ATG10: variants seen among roughly 807,000 people sequenced by gnomAD.
The protein encoded by ATG10 is ubiquitin-like-conjugating enzyme ATG10.
Under a neutral mutation model 32.1 loss-of-function variants are expected in ATG10, and 30 were observed. The ratio of observed to expected loss-of-function variants is 0.94; its 90% CI spans 0.70 to 1.27. The LOEUF (loss-of-function observed/expected upper bound fraction) is 1.27, where lower values mean the gene tolerates loss of function less well. Ranked by LOEUF, ATG10 falls within the 50% of genes most tolerant of loss-of-function variation. The pLI is 0.00. For missense variants in ATG10, 233 were observed against 262.3 expected, an observed-to-expected ratio of 0.89 and a Z score of 0.77; for synonymous variants, 87 against 91.5, an observed-to-expected ratio of 0.95 and a Z score of 0.28.
chr5:81,980,702 GC>G (rs1761015012), intron 1 of ATG10, among the ~76,000 whole-genome samples: 1 of 151,730 alleles, frequency 6.6e-6, no homozygotes, highest in Non-Finnish European at 1.5e-5. Context: ...TATGCTGAGA[GC>G]TCATTCTGTT....
chr5:82,138,567 T>C (rs1209801796), intron 3 of ATG10, among the ~76,000 whole-genome samples: 2 of 151,886 alleles, frequency 1.3e-5, no homozygotes, highest in African/African-American at 4.8e-5. Context: ...CTCTAACGAG[T>C]CCCAATGAGA....
chr5:82,224,632 A>G (rs1746048743), intron 5 of ATG10, among the ~76,000 whole-genome samples: 1 of 152,210 alleles, frequency 6.6e-6, no homozygotes, highest in Non-Finnish European at 1.5e-5. Context: ...TGCTTGTGAA[A>G]GCCCACTGTG....
intron 3 of ATG10, among the ~76,000 whole-genome samples, chr5:82,063,872 A>G (rs1377044017): frequency 6.6e-6 from 1 of 152,136 alleles, no homozygotes; most frequent in Non-Finnish European, 1.5e-5. Flanking sequence ...AAAATAACTA[A>G]TGGGTAATAG....
In ATG10 at chr5:82,237,377, C is replaced by T. The variant is rs141014965; in HGVS notation, c.454-15185C>T. Among the ~76,000 whole-genome samples the T allele has an allele frequency of 3.7e-4, 57 of 152,212 alleles. 1 individual carries two copies. The East Asian group carries it at 0.01, about 27-fold the overall frequency. Reference sequence around the variant, plus strand: ...AAGAAGTCTTGGCCGGGTGTGGTGGCTCACACCTGTAATCTCAGCACTTTG... The same window carrying T: ...AAGAAGTCTTGGCCGGGTGTGGTGGTTCACACCTGTAATCTCAGCACTTTG... On this transcript the variant is annotated intron_variant, in intron 5 of 7. Transcript: ENST00000282185.
At chr5:82,137,374 G>T (rs935185697) in intron 3 of ATG10, among the ~76,000 whole-genome samples, 6 of 152,102 alleles carry the variant, frequency 3.9e-5, no homozygotes, top group Non-Finnish European at 7.3e-5. Context: ...CTTTGCTGTT[G>T]GTGACCTTCA....
intron 3 of ATG10, among the ~76,000 whole-genome samples, chr5:82,135,199 A>C (rs1211284590): frequency 6.6e-6 from 1 of 152,080 alleles, no homozygotes; most frequent in Non-Finnish European, 1.5e-5. Flanking sequence ...TGATTTTTTG[A>C]AGGGTTTTTC....
intron 2 of ATG10, among the ~76,000 whole-genome samples, chr5:82,008,193 A>C (rs1401465221): frequency 6.6e-6 from 1 of 152,132 alleles, no homozygotes; most frequent in African/African-American, 2.4e-5. Context: ...TGTTTAAGTC[A>C]TCTGCTGTGA....
At chr5:82,091,092 T>C (rs1468481339) in intron 3 of ATG10, among the ~76,000 whole-genome samples, 1 of 152,210 alleles carries the variant, frequency 6.6e-6, no homozygotes, top group Non-Finnish European at 1.5e-5. Context: ...GAATTTCTAC[T>C]TGATGTGATT....
intron 1 of ATG10, among the ~76,000 whole-genome samples, chr5:81,974,988 G>A (rs1760827709): frequency 6.6e-6 from 1 of 152,010 alleles, no homozygotes; most frequent in African/African-American, 2.4e-5. Flanking sequence ...CTACTGTAGG[G>A]CCCAGGCTCT....
At chr5:82,083,926 C>T (rs964771050) in intron 3 of ATG10, among the ~76,000 whole-genome samples, 2 of 152,186 alleles carry the variant, frequency 1.3e-5, no homozygotes, top group African/African-American at 4.8e-5. Flanking sequence ...CTCTTCTCCT[C>T]CAAAGGAATG....
chr5:81,983,069 T>C (rs941212462), intron 1 of ATG10, among the ~76,000 whole-genome samples: 1 of 152,164 alleles, frequency 6.6e-6, no homozygotes. Context: ...AGCTGTTGGG[T>C]ACACCTCCCA....
intron 2 of ATG10, among the ~76,000 whole-genome samples, chr5:82,029,377 C>T (rs1196839409): frequency 6.6e-6 from 1 of 152,096 alleles, no homozygotes; most frequent in Non-Finnish European, 1.5e-5. Flanking sequence ...CACAAAATCC[C>T]CTCCAGTTTA....
chr5:82,120,669 T>A (rs899382133), intron 3 of ATG10, among the ~76,000 whole-genome samples: 3 of 152,038 alleles, frequency 2.0e-5, no homozygotes, highest in Middle Eastern at 3.4e-3. Context: ...GTTTTTTTTT[T>A]AAGCCCCAGC....
Position 82,135,830 on chromosome 5 carries a change from C to T in ATG10, c.217-28569C>T, listed in dbSNP as rs186552015. Among the ~76,000 whole-genome samples, 1,160 of 152,040 alleles carry T rather than the reference C, an allele frequency of 7.6e-3. 15 individuals carry two copies. The highest frequency in any genetic ancestry group is 0.026 in the African/African-American group (1,065 of 41,456). ...TATTGACAGTGGGGTGTTAAAGTCTCCCACTATTATTGTGTGGGAGTCTAA... is the reference window on the plus strand; with the variant it reads ...TATTGACAGTGGGGTGTTAAAGTCTTCCACTATTATTGTGTGGGAGTCTAA... On this transcript the variant is annotated intron_variant, in intron 3 of 7. Transcript: ENST00000282185.
At chr5:82,048,717 C>A (rs531114489) in intron 2 of ATG10, among the ~76,000 whole-genome samples, 20 of 152,052 alleles carry the variant, frequency 1.3e-4, no homozygotes, top group African/African-American at 4.6e-4. Context: ...AAACAAACAA[C>A]CCCATCAAAA....
At chr5:82,158,535 G>A (rs1767899658) in intron 3 of ATG10, among the ~76,000 whole-genome samples, 1 of 152,008 alleles carries the variant, frequency 6.6e-6, no homozygotes, top group African/African-American at 2.4e-5. Context: ...AGTATGATAA[G>A]TAATATAGAG....
chr5:82,080,576 T>C (rs977121147), intron 3 of ATG10, among the ~76,000 whole-genome samples: 6 of 152,182 alleles, frequency 3.9e-5, no homozygotes, highest in Non-Finnish European at 7.4e-5. Context: ...CAGCTTTCCA[T>C]ATATGGCTAG....
intron 5 of ATG10, among the ~76,000 whole-genome samples, chr5:82,238,490 G>A (rs1470743607): frequency 6.6e-6 from 1 of 152,142 alleles, no homozygotes; most frequent in Non-Finnish European, 1.5e-5. Context: ...TTGTAGTATT[G>A]CAGGTGCAGC....
chr5:82,217,810 C>CA (rs869258898), intron 5 of ATG10, among the ~76,000 whole-genome samples: 10,666 of 128,006 alleles, frequency 0.083, 891 homozygotes, highest in African/African-American at 0.22. Flanking sequence ...CCCTCTCTAC[C>CA]AAAAAAAAAA....
Sources: allele counts gnomAD v4.1 joint callset (sites outside exome capture counted in the v4.1 genomes callset), GRCh38; gene constraint gnomAD v4.1.1; transcripts MANE v1.5; gene names NCBI Gene and HGNC (gene_info 2026-07-23, HGNC 2026-07-21).